Variants in FHIP2B observed in about 807,000 individuals in gnomAD.
FHIP2B encodes the protein FHF complex subunit HOOK-interacting protein 2B.
A neutral mutation model predicts 84.0 loss-of-function variants in FHIP2B; 72 were observed. The ratio of observed to expected loss-of-function variants is 0.86; its 90% CI spans 0.71 to 1.04. FHIP2B has a LOEUF of 1.04. Ranked by LOEUF, FHIP2B falls within the 50% of genes least tolerant of loss-of-function variation. The pLI, the probability that FHIP2B is intolerant of heterozygous loss-of-function variation, is 0.00. For synonymous variants in FHIP2B, 497 were observed against 418.7 expected (o/e 1.19, Z -2.28); for missense variants, 972 against 968.9 (o/e 1.00, Z -0.04).
chr8:22,090,641 A>C (rs1384988466), intron 1 of FHIP2B, among the ~76,000 whole-genome samples: 3 of 151,842 alleles, frequency 2.0e-5, no homozygotes, highest in East Asian at 1.9e-4. Flanking sequence ...TTTTCTTTTT[A>C]TTATTTATTT....
At chr8:22,098,719 A>T in intron 7 of FHIP2B, 100 bp downstream of exon 7, 2 of 1,277,258 alleles carry the variant, frequency 1.6e-6, no homozygotes, top group Non-Finnish European at 2.1e-6. Context: ...GTTGCTAGGG[A>T]CCCCTGCTGG....
At chr8:22,095,909 G>T (rs887427324) in intron 2 of FHIP2B, 3 of 154,826 alleles carry the variant, frequency 1.9e-5, no homozygotes, top group African/African-American at 7.2e-5. Context: ...AGTGGGGGAG[G>T]CCCCAGGAGG....
At chr8:22,102,766 C>T in intron 16 of FHIP2B, 27 bp from the exon 17 acceptor site, 10 of 1,611,110 alleles carry the variant, frequency 6.2e-6, no homozygotes, top group Non-Finnish European at 8.5e-6. Context: ...CCCACCCAGC[C>T]ATGCCCCCTG....
chr8:22,094,688 G>C, intron 2 of FHIP2B, 170 bp downstream of exon 2: 2 of 1,450,782 alleles, frequency 1.4e-6, no homozygotes, highest in Non-Finnish European at 1.8e-6. Context: ...CCAGAGCCCT[G>C]GGCCACTCCA....
At chr8:22,101,933 C>T (rs1017731016) in intron 14 of FHIP2B, 82 bp downstream of exon 14, 5 of 1,544,606 alleles carry the variant, frequency 3.2e-6, no homozygotes, top group Non-Finnish European at 4.4e-6. Context: ...CACAGGGTTG[C>T]CTCTGCTTCG....
At chr8:22,094,656 G>A in intron 2 of FHIP2B, 138 bp downstream of exon 2, 1 of 1,512,366 alleles carries the variant, frequency 6.6e-7, no homozygotes, top group Non-Finnish European at 8.8e-7. Flanking sequence ...CACGGAGACA[G>A]AGAACCAGAC....
chr8:22,103,019 G>A lies in FHIP2B; in HGVS notation c.*88G>A. Reference sequence around the variant, plus strand: ...GGCACTGCCGCCACACTCCCCTCCTGGGATGGGGCTTCTGCTCCCGGGCTC... The same window carrying A: ...GGCACTGCCGCCACACTCCCCTCCTAGGATGGGGCTTCTGCTCCCGGGCTC... On this transcript the variant is annotated 3_prime_UTR_variant, in exon 17 of 17. Coordinates refer to ENST00000289921, the MANE Select transcript of FHIP2B (RefSeq NM_022749.7). The A allele has an allele frequency of 3.4e-6, 5 of 1,479,456 alleles. No homozygotes were observed. Among genetic ancestry groups the A allele is most frequent in the Non-Finnish European group, 4.5e-6 (5 of 1,103,980 alleles). 91.6% of individuals were successfully genotyped at this position (1,479,456 alleles called of 1,614,324 possible).
Position 22,099,754 on chromosome 8 carries a change from G to C in FHIP2B, c.1202G>C (p.Arg401Pro), listed in dbSNP as rs770493760. 9 of 1,606,938 alleles carry C rather than the reference G, an allele frequency of 5.6e-6. No individual in the cohort carries two copies. In the African/African-American group the frequency reaches 1.1e-4, roughly 19 times the overall value. ...ACCGCCCTCCTCACAGCCATGCTGCGCCAGCTTCGCTCCCCTGCGCTGCTG... is the reference window on the plus strand; with the variant it reads ...ACCGCCCTCCTCACAGCCATGCTGCCCCAGCTTCGCTCCCCTGCGCTGCTG... The part of the protein sequence containing the change: ...TSTALLTAML[R>P]QLRSPALLRE... Residue 401 changes from arginine to proline, a missense_variant, in exon 10 of 17, where the codon CGC (arginine) becomes CCC (proline). By Grantham distance (103) the Arg-to-Pro change is moderately radical (BLOSUM62 -2). Transcript: ENST00000289921.
Position 22,098,610 on chromosome 8 carries a change from T to C in FHIP2B, c.956T>C (p.Ile319Thr). ...DPADIATLEG[I>T]SWRLPSAPSD... is the part of the protein sequence containing the mutation. ...GCAGACATTGCCACCTTAGAGGGCA[T>C]CAGCTGGAGGTGGGTGCCCAGCCCG... The change falls in exon 7 of 17, where the codon ATC becomes ACC. Residue 319 changes from isoleucine to threonine, a missense_variant. Physicochemically the swap from Ile to Thr is moderately conservative, Grantham distance 89. Coordinates refer to ENST00000289921, the MANE Select transcript of FHIP2B (RefSeq NM_022749.7). The C allele has an allele frequency of 1.9e-6, 3 of 1,568,812 alleles. No individual in the cohort carries two copies. Among genetic ancestry groups the C allele is most frequent in the Non-Finnish European group, 2.6e-6 (3 of 1,154,292 alleles).
intron 7 of FHIP2B, 103 bp downstream of exon 7, chr8:22,098,722 C>G: frequency 8.1e-7 from 1 of 1,238,212 alleles, no homozygotes; most frequent in South Asian, 1.5e-5. Flanking sequence ...GCTAGGGACC[C>G]CTGCTGGCCA....
intron 5 of FHIP2B, 29 bp from the exon 6 acceptor site, chr8:22,098,039 G>C: frequency 6.4e-7 from 1 of 1,573,668 alleles, no homozygotes; most frequent in Non-Finnish European, 8.6e-7. Flanking sequence ...GTCCCCACCA[G>C]GTCTGGCCTC....
Position 22,100,680 on chromosome 8 carries a change from TGAGG to T in FHIP2B, c.1430_1433del (p.Glu477AlafsTer19). 1 of 1,607,270 alleles carries T rather than the reference TGAGG, an allele frequency of 6.2e-7. No individual in the cohort carries two copies. Among genetic ancestry groups the T allele is most frequent in the Non-Finnish European group, 8.5e-7 (1 of 1,176,320 alleles). ...TCCACAGCCTGGTCCTGCGCAACCT[TGAGG>T]GCCGCCCTTACGTGGCCTGGGGCTC... On this transcript the variant is annotated frameshift_variant, in exon 11 of 17. Transcript: ENST00000289921. LOFTEE classifies it high-confidence loss of function.
rs60525064 is a variant in FHIP2B at position 22,104,831 on chromosome 8, T to TAAAAAAAAAAAAAAAA, written c.*1903_*1918dup. On this transcript the variant is annotated 3_prime_UTR_variant, in exon 17 of 17. Transcript: ENST00000289921. ...CTGGGCAATAGAGTAAGACCCTGTC[T>TAAAAAAAAAAAAAAAA]AAAAAAAAAAAAAAAAAATTTCACA... The TAAAAAAAAAAAAAAAA allele has an allele frequency of 2.5e-4, 32 of 126,502 alleles. No homozygotes were observed. The highest frequency in any genetic ancestry group is 1.0e-3 in the African/African-American group (32 of 31,972). The allele number at this position is 126,502 out of a possible 1,614,324, so 7.8% of individuals were successfully genotyped here. A position where few individuals can be genotyped will look rare whatever the true frequency, so the allele number is the denominator to read the frequency against.
In FHIP2B at chr8:22,096,475, T is replaced by C. The variant is rs1407497817; in HGVS notation, c.263T>C (p.Ile88Thr). ...CTGGAGTACCTGCTGCAGCACAAGA[T>C]CCTGGAGACTCTCTGCACGCTGGGC... The part of the protein sequence containing the change: ...PCLEYLLQHK[I>T]LETLCTLGKA... Residue 88 changes from isoleucine (I) to threonine (T), a missense_variant, in exon 3 of 17, where the codon ATC (isoleucine) becomes ACC (threonine). Transcript: ENST00000289921. The C allele has an allele frequency of 2.6e-6, 4 of 1,552,212 alleles. No individual in the cohort carries two copies. In the African/African-American group the frequency reaches 5.5e-5, roughly 21 times the overall value.
chr8:22,099,913 T>C lies in FHIP2B; in HGVS notation c.1341+20T>C. ...GATGAGGTACAGTGGGGGACCTCCA[T>C]CTCTGTTCCTCTCACCACCCCTGCC... On this transcript the variant is annotated intron_variant, in intron 10 of 16. Coordinates refer to ENST00000289921, the MANE Select transcript of FHIP2B (RefSeq NM_022749.7). The C allele has an allele frequency of 6.4e-7, 1 of 1,573,968 alleles. No homozygotes were observed. Among genetic ancestry groups the C allele is most frequent in the Non-Finnish European group, 8.6e-7 (1 of 1,164,264 alleles).
chr8:22,096,302 T>C, intron 2 of FHIP2B, 35 bp from the exon 3 acceptor site: 1 of 1,504,724 alleles, frequency 6.6e-7, no homozygotes, highest in Non-Finnish European at 8.9e-7. Flanking sequence ...TGCCCCTCTT[T>C]ACCCTACTCA....
At chr8:22,089,900 C>A (rs776341372) in intron 1 of FHIP2B, 7 of 1,208,618 alleles carry the variant, frequency 5.8e-6, no homozygotes, top group South Asian at 3.8e-5. Context: ...GGGGAAATCG[C>A]CTTCTATTGG....
At position 22,100,717 on chromosome 8, in the gene FHIP2B, C is replaced by A; in HGVS notation, c.1465C>A (p.Pro489Thr). The A allele has an allele frequency of 6.2e-7, 1 of 1,603,688 alleles. No homozygotes were observed. The highest frequency in any genetic ancestry group is 1.1e-5 in the South Asian group (1 of 89,882). The stretch of plus-strand genomic sequence containing the variant: ...TTACGTGGCCTGGGGCTCACCAGAG[C>A]CTGAGAGCTATGAGGACACCCTGTA... ...RPYVAWGSPE[P>T]ESYEDTLDLE... is the part of the protein sequence containing the mutation. The change falls in exon 11 of 17, where the codon CCT (proline) becomes ACT (threonine). Residue 489 changes from proline (P) to threonine (T), a missense_variant. Physicochemically the swap from Pro to Thr is conservative, Grantham distance 38. Transcript: ENST00000289921.
At chr8:22,100,802 C>G (rs1214072338) in intron 11 of FHIP2B, 42 bp from the exon 12 acceptor site, 2 of 1,613,144 alleles carry the variant, frequency 1.2e-6, no homozygotes, top group African/African-American at 2.7e-5. Flanking sequence ...CTCACTCTGT[C>G]CATTCATTCA....
Sources: gnomAD v4.1 joint callset for allele counts (sites outside exome capture counted in the v4.1 genomes callset) on GRCh38, gnomAD v4.1.1 for gene constraint, MANE v1.5 for transcripts, NCBI Gene and HGNC (gene_info 2026-07-23, HGNC 2026-07-21) for gene names.